GIT2: variants seen among roughly 807,000 people sequenced by gnomAD.
GIT2 encodes GIT ArfGAP 2, also known as ARF GTPase-activating protein GIT2.
Under a neutral mutation model 100.3 loss-of-function variants are expected in GIT2, and 32 were observed. The ratio of observed to expected loss-of-function variants is 0.32; its 90% CI spans 0.24 to 0.43. The LOEUF is 0.43. Among genes scored for constraint, GIT2 ranks in the 20% least tolerant of loss-of-function variants. GIT2 has a pLI of 1.00. For synonymous variants in GIT2, 353 were observed against 364.1 expected, an observed-to-expected ratio of 0.97 and a Z score of 0.35; for missense variants, 737 against 975.1, an observed-to-expected ratio of 0.76 and a Z score of 3.25.
chr12:109,996,368 C>T lies in GIT2; in HGVS notation c.-144G>A. Reference sequence around the variant, plus strand: ...CCCTCAGCGCCTTGCAGCCTTGGCACAGCACGCACGCGCGGGGAGGTGCCC... The same window carrying T: ...CCCTCAGCGCCTTGCAGCCTTGGCATAGCACGCACGCGCGGGGAGGTGCCC... On this transcript the variant is annotated 5_prime_UTR_variant, in exon 1 of 20. The change creates a new upstream start codon in the 5' untranslated region. Coordinates refer to ENST00000355312, the MANE Select transcript of GIT2 (RefSeq NM_057169.5). 1.8e-6 allele frequency: 1 copy of T among 570,064 alleles called. No individual in the cohort carries two copies. The highest frequency in any genetic ancestry group is 3.0e-6 in the Non-Finnish European group (1 of 330,112). The allele number at this position is 570,064 out of a possible 1,614,324, so 35.3% of individuals were successfully genotyped here. A position where few individuals can be genotyped will look rare whatever the true frequency, so the allele number is the denominator to read the frequency against.
intron 7 of GIT2, among the ~76,000 whole-genome samples, chr12:109,973,852 G>A (rs1410555159): frequency 6.6e-6 from 1 of 151,846 alleles, no homozygotes; most frequent in Non-Finnish European, 1.5e-5. Flanking sequence ...GACCAGCCTG[G>A]CCAACATGGT....
At chr12:109,938,322 T>A in intron 18 of GIT2, 58 bp downstream of exon 18, 6 of 1,248,808 alleles carry the variant, frequency 4.8e-6, no homozygotes, top group Non-Finnish European at 6.8e-6. Flanking sequence ...ATGGGCATCA[T>A]CCCTTTCTGG....
chr12:109,936,468 G>C (rs1289069896), intron 18 of GIT2, among the ~76,000 whole-genome samples: 1 of 152,162 alleles, frequency 6.6e-6, no homozygotes, highest in Non-Finnish European at 1.5e-5. Context: ...TGAAATACAA[G>C]CACAGCACTT....
intron 12 of GIT2, among the ~76,000 whole-genome samples, chr12:109,959,514 C>G (rs1442419839): frequency 4.6e-5 from 7 of 151,998 alleles, no homozygotes; most frequent in Non-Finnish European, 7.4e-5. Flanking sequence ...CAGTTAATAA[C>G]TCTGAAATAT....
chr12:109,954,357 A>G (rs1031865670), intron 12 of GIT2: 2 of 152,190 alleles, frequency 1.3e-5, no homozygotes, highest in Non-Finnish European at 2.9e-5. Context: ...TCTCAGCGAG[A>G]GAAAGAGATA....
intron 7 of GIT2, 180 bp downstream of exon 7, chr12:109,980,772 C>A: frequency 1.7e-6 from 1 of 598,028 alleles, no homozygotes; most frequent in Non-Finnish European, 3.0e-6. Flanking sequence ...TTTTGTCCAA[C>A]TTTATATCTT....
At chr12:109,980,930 C>A (rs770424462) in intron 7 of GIT2, 22 bp downstream of exon 7, 1 of 1,426,766 alleles carries the variant, frequency 7.0e-7, no homozygotes, top group Non-Finnish European at 9.9e-7. Context: ...AGATGTGAAA[C>A]GGTCATTCTC....
At chr12:109,968,278 G>T (rs184232499) in intron 7 of GIT2, among the ~76,000 whole-genome samples, 1 of 151,792 alleles carries the variant, frequency 6.6e-6, no homozygotes, top group Non-Finnish European at 1.5e-5. Context: ...CATTCTAATA[G>T]GTATGCTGTG....
intron 16 of GIT2, among the ~76,000 whole-genome samples, chr12:109,941,857 A>C (rs1874831378): frequency 6.8e-6 from 1 of 148,046 alleles, no homozygotes. Flanking sequence ...ACAGGGTCTC[A>C]CTCTGTCGCC....
At chr12:109,967,323 A>T in intron 8 of GIT2, 135 bp downstream of exon 8, 1 of 1,598,578 alleles carries the variant, frequency 6.3e-7, no homozygotes, top group Non-Finnish European at 8.5e-7. Flanking sequence ...CAGCCGTCTT[A>T]TTTCCAAATG....
Position 109,959,363 on chromosome 12 carries a change from C to T in GIT2, c.1099+484G>A, listed in dbSNP as rs1221089727. Among the ~76,000 whole-genome samples the T allele has an allele frequency of 7.9e-5, 12 of 152,230 alleles. No individual in the cohort carries two copies. In the East Asian group the frequency reaches 1.7e-3, roughly 22 times the overall value. ...TATTACAGGTGTGAGCCACCACGCC[C>T]GGCCAAGAAGAGTTTATTTTCTTAT... is the stretch of plus-strand genomic sequence containing the variant. On this transcript the variant is annotated intron_variant, in intron 12 of 19. Coordinates refer to ENST00000355312, the MANE Select transcript of GIT2 (RefSeq NM_057169.5).
Position 109,996,327 on chromosome 12 carries a change from G to A in GIT2, c.-103C>T. ...AACGGGTCCCAGCTGCGGCGGCGCT[G>A]ACGGCGGCGCCTCTCCCCTCAGCGC... On this transcript the variant is annotated 5_prime_UTR_variant, in exon 1 of 20. Transcript: ENST00000355312. The A allele has an allele frequency of 1.3e-6, 1 of 784,580 alleles. No individual in the cohort carries two copies. Among genetic ancestry groups the A allele is most frequent in the Non-Finnish European group, 2.0e-6 (1 of 504,724 alleles). The allele number at this position is 784,580 out of a possible 1,614,324, so 48.6% of individuals were successfully genotyped here. A position where few individuals can be genotyped will look rare whatever the true frequency, so the allele number is the denominator to read the frequency against.
At chr12:109,979,223 C>T (rs1356592542) in intron 7 of GIT2, among the ~76,000 whole-genome samples, 1 of 151,592 alleles carries the variant, frequency 6.6e-6, no homozygotes, top group African/African-American at 2.4e-5. Flanking sequence ...AATCCCCTTC[C>T]TCTCTGTCCT....
intron 4 of GIT2, among the ~76,000 whole-genome samples, chr12:109,988,696 T>C (rs1887838227): frequency 6.6e-6 from 1 of 151,168 alleles, no homozygotes; most frequent in South Asian, 2.1e-4. Flanking sequence ...CTACTAAAAA[T>C]ACAAAAATTA....
In GIT2 at chr12:109,996,349, G is replaced by C. The variant is rs1403656314; in HGVS notation, c.-125C>G. ...GCTGACGGCGGCGCCTCTCCCCTCA[G>C]CGCCTTGCAGCCTTGGCACAGCACG... On this transcript the variant is annotated 5_prime_UTR_variant, in exon 1 of 20. Transcript: ENST00000355312. The C allele has an allele frequency of 1.6e-6, 1 of 634,104 alleles. No homozygotes were observed. The highest frequency in any genetic ancestry group is 3.3e-5 in the East Asian group (1 of 30,446). The allele number at this position is 634,104 out of a possible 1,614,324, so 39.3% of individuals were successfully genotyped here.
intron 16 of GIT2, among the ~76,000 whole-genome samples, chr12:109,943,877 G>A (rs932971698): frequency 1.3e-5 from 2 of 151,732 alleles, no homozygotes; most frequent in African/African-American, 4.8e-5. Flanking sequence ...ATTTTTTATA[G>A]AGATGGGATT....
At chr12:109,965,790 G>C (rs182887025) in intron 8 of GIT2, 43 of 690,006 alleles carry the variant, frequency 6.2e-5, no homozygotes, top group Admixed American at 2.0e-4. Flanking sequence ...TCATGTAAGT[G>C]TTAAAGAGGA....
intron 12 of GIT2, among the ~76,000 whole-genome samples, chr12:109,958,522 C>T (rs1209650146): frequency 6.6e-6 from 1 of 152,156 alleles, no homozygotes; most frequent in Non-Finnish European, 1.5e-5. Context: ...GGATTACAGG[C>T]GTAAGGCACC....
intron 11 of GIT2, among the ~76,000 whole-genome samples, chr12:109,961,029 C>A (rs1473287907): frequency 6.6e-6 from 1 of 152,180 alleles, no homozygotes; most frequent in Non-Finnish European, 1.5e-5. Context: ...AGATTACTGA[C>A]AAGGTTAAAC....
Sources: gnomAD v4.1 joint callset for allele counts (sites outside exome capture counted in the v4.1 genomes callset) on GRCh38, gnomAD v4.1.1 for gene constraint, MANE v1.5 for transcripts, NCBI Gene and HGNC (gene_info 2026-07-23, HGNC 2026-07-21) for gene names.